STX1A: variants seen among roughly 807,000 people sequenced by gnomAD.
STX1A encodes syntaxin 1A.
In STX1A, 4 loss-of-function variants were observed where a neutral mutation model predicts 37.8. The ratio of observed to expected loss-of-function variants is 0.11; its 90% CI spans 0.05 to 0.24. STX1A has a LOEUF of 0.24. Ranked by LOEUF, STX1A falls within the 10% of genes least tolerant of loss-of-function variation. STX1A has a pLI of 1.00. For synonymous variants in STX1A, 135 were observed against 147.4 expected (o/e 0.92, Z 0.61); for missense variants, 251 against 399.9 (o/e 0.63, Z 3.18).
rs1385804065 is a variant in STX1A at position 73,699,731 on chromosome 7, C to G, written c.*676G>C. On this transcript the variant is annotated 3_prime_UTR_variant, in exon 10 of 10. Transcript: ENST00000222812. The stretch of plus-strand genomic sequence containing the variant: ...GCTGGGGTGGCTGGAAATAGGGCAC[C>G]AGCCAGCCCCTTCCAGAGGGACACC... 3 of 153,096 alleles carry G rather than the reference C, an allele frequency of 2.0e-5. No individual in the cohort carries two copies. Among genetic ancestry groups the G allele is most frequent in the African/African-American group, 7.2e-5 (3 of 41,562 alleles). The allele number at this position is 153,096 out of a possible 1,614,324, so 9.5% of individuals were successfully genotyped here.
chr7:73,718,527 G>A (rs931641397), intron 1 of STX1A, among the ~76,000 whole-genome samples: 8 of 152,118 alleles, frequency 5.3e-5, no homozygotes, highest in Non-Finnish European at 1.2e-4. Context: ...GGTGCTCCCA[G>A]GGATCAGCAG....
chr7:73,718,512 TG>T (rs1274978504), intron 1 of STX1A, among the ~76,000 whole-genome samples: 1 of 151,408 alleles, frequency 6.6e-6, no homozygotes, highest in Non-Finnish European at 1.5e-5. Flanking sequence ...GGGAGCGGGG[TG>T]GGGGGTGCTC....
At chr7:73,701,089 T>C in intron 8 of STX1A, 1 of 670,924 alleles carries the variant, frequency 1.5e-6, no homozygotes, top group Non-Finnish European at 2.5e-6. Context: ...CCATGCAGTC[T>C]CAGCTGAGGG....
chr7:73,700,701 A>G lies in STX1A; in HGVS notation c.789+29T>C. 6.2e-7 allele frequency: 1 copy of G among 1,612,752 alleles called. No homozygotes were observed. The highest frequency in any genetic ancestry group is 1.3e-5 in the African/African-American group (1 of 74,946). ...GGGGGTCCCTAATGGGTGCTGGGGC[A>G]TGGCCTTGGGCAGGGCTGGGCTACT... On this transcript the variant is annotated intron_variant, in intron 9 of 9. Coordinates refer to ENST00000222812, the MANE Select transcript of STX1A (RefSeq NM_004603.4). The surrounding 1 kb of genome is among the most constrained non-coding windows in gnomAD (Gnocchi z 4.4).
rs1231251304 is a variant in STX1A, at chr7:73,706,168, AGGG to A, written c.209-947_209-945del. Among the ~76,000 whole-genome samples, 1 of 151,742 alleles carries A rather than the reference AGGG, an allele frequency of 6.6e-6. No individual in the cohort carries two copies. Among genetic ancestry groups the A allele is most frequent in the Admixed American group, 6.6e-5 (1 of 15,236 alleles). ...CCCCTGGGGCTGGGGTTTGTCCTAG[AGGG>A]GACAGGGAGGGGTGTTGAGAGTGGT... is the stretch of plus-strand genomic sequence containing the variant. On this transcript the variant is annotated intron_variant, in intron 3 of 9. Transcript: ENST00000222812. This position sits in a 1 kb window ranked among gnomAD's most constrained non-coding sequence, Gnocchi z 4.6.
chr7:73,700,260 C>T lies in STX1A; in HGVS notation c.*147G>A. The T allele has an allele frequency of 4.1e-6, 3 of 723,238 alleles. No individual in the cohort carries two copies. The highest frequency in any genetic ancestry group is 1.7e-5 in the South Asian group (1 of 59,066). The allele number at this position is 723,238 out of a possible 1,614,324, so 44.8% of individuals were successfully genotyped here. ...CACGACACGGGGCGGGGACGGAGGG[C>T]CCATGGCAGAGAAGGGAGCATGGGG... On this transcript the variant is annotated 3_prime_UTR_variant, in exon 10 of 10. Coordinates refer to ENST00000222812, the MANE Select transcript of STX1A (RefSeq NM_004603.4). This position sits in a 1 kb window ranked among gnomAD's most constrained non-coding sequence, Gnocchi z 4.4.
intron 6 of STX1A, 38 bp from the exon 7 acceptor site, chr7:73,703,866 T>C (rs4363087): frequency 0.4 from 634,583 of 1,599,828 alleles, 132,502 homozygotes; most frequent in East Asian, 0.64. Context: ...CCAGCCCTCT[T>C]CGGGGAGTTC....
intron 6 of STX1A, 157 bp downstream of exon 6, chr7:73,703,991 G>C: frequency 2.2e-6 from 1 of 446,716 alleles, no homozygotes; most frequent in Non-Finnish European, 3.1e-6. Context: ...AGCCGCCTCA[G>C]GCCCCCGCCC....
At chr7:73,703,462 A>G (rs782412323) in intron 7 of STX1A, 12 of 646,736 alleles carry the variant, frequency 1.9e-5, no homozygotes, top group South Asian at 1.7e-4. Flanking sequence ...GAAATGGCCA[A>G]ATGTCCTCCA....
intron 1 of STX1A, among the ~76,000 whole-genome samples, chr7:73,710,939 G>T (rs1424265000): frequency 1.3e-5 from 2 of 152,142 alleles, no homozygotes; most frequent in Non-Finnish European, 2.9e-5. Flanking sequence ...TGGAGGGAGG[G>T]CTGAGAAAAA....
intron 7 of STX1A, 67 bp from the exon 8 acceptor site, chr7:73,703,049 GAGGGCGTTTGGGGT>G: frequency 4.9e-5 from 54 of 1,092,912 alleles, no homozygotes; most frequent in East Asian, 5.9e-5. Context: ...GGCCGAGGGG[GAGGGCGTTTGGGGT>G]GGGCAGAGCT....
At chr7:73,701,035 T>G (rs1798634058) in intron 8 of STX1A, 195 bp from the exon 9 acceptor site, 1 of 1,037,982 alleles carries the variant, frequency 9.6e-7, no homozygotes, top group Admixed American at 2.7e-5. Context: ...CCAAGGCAGC[T>G]CCCACATTTC....
chr7:73,711,561 CT>C (rs1563577087), intron 1 of STX1A, among the ~76,000 whole-genome samples: 1 of 152,090 alleles, frequency 6.6e-6, no homozygotes, highest in Non-Finnish European at 1.5e-5. Flanking sequence ...CGTTTTCACG[CT>C]TTTAGACCGT....
chr7:73,704,227 C>T lies in STX1A; in HGVS notation c.387G>A (p.Glu129=). Residue 129 remains glutamate (E), a synonymous_variant, in exon 6 of 10, where the codon GAG becomes GAA. Transcript: ENST00000222812. ...GCGTGGCGTTGTACTCCGACATGAC[C>T]TCCACAAACTTTCTGGACAGCGTGG... ...QHSTLSRKFV[E]VMSEYNATQS... The T allele has an allele frequency of 6.2e-7, 1 of 1,613,964 alleles. No individual in the cohort carries two copies. The highest frequency in any genetic ancestry group is 8.5e-7 in the Non-Finnish European group (1 of 1,180,020).
intron 1 of STX1A, among the ~76,000 whole-genome samples, chr7:73,711,617 T>C (rs1799106329): frequency 3.3e-5 from 5 of 151,962 alleles, no homozygotes; most frequent in African/African-American, 1.2e-4. Context: ...CTAGGGAAAC[T>C]GAGGCAGAGC....
chr7:73,704,605 CTG>C (rs1798803168), intron 4 of STX1A, 182 bp from the exon 5 acceptor site: 4 of 709,392 alleles, frequency 5.6e-6, no homozygotes, highest in Non-Finnish European at 9.5e-6. Context: ...AGCTGTGACG[CTG>C]TGTGGTGTGT....
At chr7:73,703,958 GC>G (rs1333874832) in intron 6 of STX1A, 130 bp from the exon 7 acceptor site, 40 of 214,542 alleles carry the variant, frequency 1.9e-4, no homozygotes, top group African/African-American at 3.2e-4. Flanking sequence ...CTCAGGCCCC[GC>G]CCCCCCGGCC....
At chr7:73,712,441 C>T (rs934391679) in intron 1 of STX1A, among the ~76,000 whole-genome samples, 4 of 151,606 alleles carry the variant, frequency 2.6e-5, no homozygotes, top group Admixed American at 6.6e-5. Flanking sequence ...CCTTCTTCCT[C>T]GATGCCACCT....
intron 5 of STX1A, 40 bp from the exon 6 acceptor site, chr7:73,704,296 G>C (rs781959209): frequency 6.2e-7 from 1 of 1,613,428 alleles, no homozygotes; most frequent in Non-Finnish European, 8.5e-7. Flanking sequence ...CAGGCCCTGC[G>C]GGGACCGACC....
Sources: allele counts gnomAD v4.1 joint callset (sites outside exome capture counted in the v4.1 genomes callset), GRCh38; gene constraint gnomAD v4.1.1; non-coding constraint Gnocchi (gnomAD v3.1); transcripts MANE v1.5; gene names NCBI Gene and HGNC (gene_info 2026-07-23, HGNC 2026-07-21).